MCTP2: variants seen among roughly 807,000 people sequenced by gnomAD.
MCTP2 encodes the protein multiple C2 and transmembrane domain-containing protein 2.
A neutral mutation model predicts 111.6 loss-of-function variants in MCTP2; 132 were observed. That is an observed-to-expected ratio of 1.18 (90% confidence interval 1.03 to 1.37). MCTP2 has a LOEUF of 1.37. MCTP2 is among the 40% of genes most tolerant of loss of function. The pLI is 0.00. For synonymous variants in MCTP2, 395 were observed against 387.7 expected, an observed-to-expected ratio of 1.02 and a Z score of -0.22; for missense variants, 1,183 against 1,067.9, an observed-to-expected ratio of 1.11 and a Z score of -1.50.
intron 1 of MCTP2, among the ~76,000 whole-genome samples, chr15:94,283,542 A>G (rs1299110734): frequency 6.6e-6 from 1 of 152,104 alleles, no homozygotes; most frequent in Non-Finnish European, 1.5e-5. Flanking sequence ...GTGAAAGTGG[A>G]CCACTCCATG....
chr15:94,419,560 C>T (rs1418473824), intron 17 of MCTP2, among the ~76,000 whole-genome samples: 1 of 152,052 alleles, frequency 6.6e-6, no homozygotes, highest in Non-Finnish European at 1.5e-5. Context: ...CTTTCCCTTT[C>T]TCTAAATAGG....
chr15:94,400,172 G>A (rs1307669718), intron 16 of MCTP2, among the ~76,000 whole-genome samples, 177 bp downstream of exon 16: 1 of 151,958 alleles, frequency 6.6e-6, no homozygotes, highest in African/African-American at 2.4e-5. Flanking sequence ...CTAAAATAAG[G>A]AGGTCAGTCA....
At chr15:94,280,697 G>A (rs1349019000) in intron 1 of MCTP2, among the ~76,000 whole-genome samples, 1 of 151,888 alleles carries the variant, frequency 6.6e-6, no homozygotes, top group Admixed American at 6.6e-5. Flanking sequence ...TTGTTAATTT[G>A]AGATCTTTCT....
chr15:94,271,809 C>G (rs1207602335), intron 1 of MCTP2, among the ~76,000 whole-genome samples: 1 of 152,136 alleles, frequency 6.6e-6, no homozygotes, highest in African/African-American at 2.4e-5. Context: ...CTTTTTCACA[C>G]CAGAAATGGC....
intron 1 of MCTP2, among the ~76,000 whole-genome samples, chr15:94,281,917 T>G (rs1188768895): frequency 6.6e-6 from 1 of 152,204 alleles, no homozygotes; most frequent in Non-Finnish European, 1.5e-5. Flanking sequence ...CATCTTTGCC[T>G]GATGGGATTC....
intron 4 of MCTP2, among the ~76,000 whole-genome samples, chr15:94,336,575 A>G (rs553703016): frequency 7.2e-4 from 110 of 152,164 alleles, no homozygotes; most frequent in African/African-American, 2.6e-3. Flanking sequence ...CCGTAGTGTC[A>G]GTGGGCAGGA....
chr15:94,248,817 G>T (rs1375386593), intron 1 of MCTP2, among the ~76,000 whole-genome samples: 1 of 152,186 alleles, frequency 6.6e-6, no homozygotes, highest in Non-Finnish European at 1.5e-5. Flanking sequence ...TGCTCAGTCC[G>T]TGGAAACTTA....
At chr15:94,364,505 A>G (rs1382262387) in intron 10 of MCTP2, among the ~76,000 whole-genome samples, 1 of 152,210 alleles carries the variant, frequency 6.6e-6, no homozygotes, top group African/African-American at 2.4e-5. Flanking sequence ...GAAGAAGTCT[A>G]GATTCTTCTT....
At chr15:94,390,096 A>ATATATACG (rs2080838708) in intron 14 of MCTP2, among the ~76,000 whole-genome samples, 2 of 13,428 alleles carry the variant, frequency 1.5e-4, no homozygotes, top group Admixed American at 9.8e-4. Context: ...ATATGTATAT[A>ATATATACG]TATATATATA....
rs1316166885 is a variant in MCTP2, at chr15:94,480,385, G to A, written c.*1351G>A. The A allele has an allele frequency of 1.3e-5, 2 of 151,322 alleles. No individual in the cohort carries two copies. Among genetic ancestry groups the A allele is most frequent in the African/African-American group, 2.4e-5 (1 of 41,062 alleles). The allele number at this position is 151,322 out of a possible 1,614,324, so 9.4% of individuals were successfully genotyped here. A position where few individuals can be genotyped will look rare whatever the true frequency, so the allele number is the denominator to read the frequency against. ...TTCAAACAAAATGTTTACGAAAAATGCCAAAGATTCTAAATCTTATCATCC... is the reference window on the plus strand; with the variant it reads ...TTCAAACAAAATGTTTACGAAAAATACCAAAGATTCTAAATCTTATCATCC... On this transcript the variant is annotated 3_prime_UTR_variant, in exon 23 of 23. Transcript: ENST00000357742.
intron 8 of MCTP2, among the ~76,000 whole-genome samples, chr15:94,352,251 G>T (rs192750832): frequency 4.6e-5 from 7 of 152,152 alleles, no homozygotes; most frequent in African/African-American, 1.7e-4. Context: ...TTCCTGCCTC[G>T]GGATGGTCTT....
chr15:94,355,949 A>G, intron 8 of MCTP2, 188 bp from the exon 9 acceptor site: 1 of 1,248,944 alleles, frequency 8.0e-7, no homozygotes, highest in Non-Finnish European at 1.0e-6. Flanking sequence ...TTACCACTCC[A>G]AAGCTTGAGA....
intron 17 of MCTP2, among the ~76,000 whole-genome samples, chr15:94,429,112 A>C: frequency 2.2e-5 from 3 of 136,166 alleles, no homozygotes; most frequent in Admixed American, 7.4e-5. Context: ...CTGCTACCCT[A>C]CCCCCTCTAT....
At chr15:94,370,734 G>C (rs1408889459) in intron 12 of MCTP2, among the ~76,000 whole-genome samples, 2 of 152,038 alleles carry the variant, frequency 1.3e-5, no homozygotes, top group Non-Finnish European at 2.9e-5. Flanking sequence ...CTTTGTGCTG[G>C]ATTATGCTCT....
chr15:94,379,521 A>C (rs1321060939), intron 12 of MCTP2, among the ~76,000 whole-genome samples: 4 of 151,306 alleles, frequency 2.6e-5, no homozygotes, highest in Admixed American at 1.3e-4. Context: ...CTTTCTTCCA[A>C]CTCTACCCCT....
At chr15:94,379,481 A>T (rs1241601823) in intron 12 of MCTP2, among the ~76,000 whole-genome samples, 1 of 151,894 alleles carries the variant, frequency 6.6e-6, no homozygotes, top group Non-Finnish European at 1.5e-5. Context: ...CTCCATATTT[A>T]GTTTCAGGAA....
At chr15:94,477,062 C>T (rs571199589) in intron 22 of MCTP2, among the ~76,000 whole-genome samples, 32 of 152,278 alleles carry the variant, frequency 2.1e-4, no homozygotes, top group African/African-American at 6.0e-4. Context: ...TGTCCCCTTT[C>T]GATTGCTTGC....
Position 94,416,253 on chromosome 15 carries a change from A to G in MCTP2, c.2085+14234A>G, listed in dbSNP as rs967392625. Among the ~76,000 whole-genome samples the G allele has an allele frequency of 2.7e-5, 4 of 147,156 alleles. No homozygotes were observed. The East Asian group carries it at 7.9e-4, about 29-fold the overall frequency. On this transcript the variant is annotated intron_variant, in intron 17 of 22. Transcript: ENST00000357742. ...TAGTCTGACTGATGGGTGTAGAAGG[A>G]TTTTTTTTTTTGTTTTAAAGAAATT...
In MCTP2 at chr15:94,399,024, G is replaced by T; in HGVS notation, c.1852G>T (p.Gly618Ter). 6.4e-7 allele frequency: 1 copy of T among 1,561,668 alleles called. No homozygotes were observed. Among genetic ancestry groups the T allele is most frequent in the Non-Finnish European group, 8.8e-7 (1 of 1,132,592 alleles). Residue 618 changes from glycine (G) to a stop codon, truncating the protein, a stop_gained, in exon 15 of 23, where the codon GGA becomes TGA. Coordinates refer to ENST00000357742, the MANE Select transcript of MCTP2 (RefSeq NM_001385001.1). LOFTEE classifies it high-confidence loss of function. ...KNKDLEQAFK[G>*]VIYLEMDLIY... is the part of the protein sequence containing the mutation. ...TAAAGATTTAGAACAAGCTTTTAAA[G>T]GAGTTATTTACTTAGAGATGGACCT...
Sources: allele counts gnomAD v4.1 joint callset (sites outside exome capture counted in the v4.1 genomes callset), GRCh38; gene constraint gnomAD v4.1.1; transcripts MANE v1.5; gene names NCBI Gene and HGNC (gene_info 2026-07-23, HGNC 2026-07-21).